Variants in CPNE2 observed in about 807,000 individuals in gnomAD.
CPNE2 encodes copine 2.
CPNE2 carries 42 observed loss-of-function variants against 69.7 expected under a neutral mutation model. That is an observed-to-expected ratio of 0.60 (90% CI 0.47 to 0.78). The LOEUF (loss-of-function observed/expected upper bound fraction) is 0.78. Ranked by LOEUF, CPNE2 falls within the 30% of genes least tolerant of loss-of-function variation. The probability of loss-of-function intolerance (pLI) is 0.00; values close to 1 mark genes in which losing one functional copy is unlikely to be tolerated. For missense variants in CPNE2, 587 were observed against 732.0 expected (o/e 0.80, Z 2.29); for synonymous variants, 294 against 289.8 (o/e 1.01, Z -0.15).
At chr16:57,096,746 G>T (rs1177383061) in intron 1 of CPNE2, among the ~76,000 whole-genome samples, 7 of 151,906 alleles carry the variant, frequency 4.6e-5, no homozygotes, top group African/African-American at 1.4e-4. Context: ...AGGAAAGAGG[G>T]ATTGCAGGAG....
chr16:57,137,379 G>A lies in CPNE2; in HGVS notation c.1302+97G>A, dbSNP rs1442619154. 3 of 1,467,388 alleles carry A rather than the reference G, an allele frequency of 2.0e-6. No individual in the cohort carries two copies. In the African/African-American group the frequency reaches 4.2e-5, roughly 20 times the overall value. The allele number at this position is 1,467,388 out of a possible 1,614,324, so 90.9% of individuals were successfully genotyped here. Reference sequence around the variant, plus strand: ...TGCCTTCTCTTTGCTTTAAATCCTAGTGGACACCTCTGGGCCTTGCTTTAC... The same window carrying A: ...TGCCTTCTCTTTGCTTTAAATCCTAATGGACACCTCTGGGCCTTGCTTTAC... On this transcript the variant is annotated intron_variant, in intron 14 of 15. Coordinates refer to ENST00000290776, the MANE Select transcript of CPNE2 (RefSeq NM_152727.6).
chr16:57,133,889 C>T (rs565335347), intron 12 of CPNE2, among the ~76,000 whole-genome samples: 3 of 150,528 alleles, frequency 2.0e-5, no homozygotes, highest in South Asian at 2.1e-4. Flanking sequence ...GCAGTGAATG[C>T]GGATGTGGTA....
At chr16:57,125,802 T>C in intron 10 of CPNE2, 58 bp from the exon 11 acceptor site, 1 of 1,601,662 alleles carries the variant, frequency 6.2e-7, no homozygotes, top group Admixed American at 1.7e-5. Context: ...TCCCTGGGAG[T>C]GGGATAGGGT....
chr16:57,104,816 T>G (rs2145238674), intron 1 of CPNE2, among the ~76,000 whole-genome samples: 1 of 152,298 alleles, frequency 6.6e-6, no homozygotes, highest in African/African-American at 2.4e-5. Context: ...AGACCTTTCC[T>G]GTGAAGAAAG....
At chr16:57,121,907 C>T in intron 9 of CPNE2, 147 bp downstream of exon 9, 1 of 667,926 alleles carries the variant, frequency 1.5e-6, no homozygotes, top group Non-Finnish European at 2.6e-6. Context: ...CTGAGCTTCA[C>T]CTCACCAGGC....
intron 1 of CPNE2, among the ~76,000 whole-genome samples, chr16:57,104,302 T>G (rs1167988009): frequency 6.6e-6 from 1 of 152,194 alleles, no homozygotes; most frequent in African/African-American, 2.4e-5. Context: ...ACAGAGCAGT[T>G]AAATGGCAGA....
intron 10 of CPNE2, 93 bp downstream of exon 10, chr16:57,123,566 G>A (rs2069778978): frequency 7.2e-7 from 1 of 1,380,410 alleles, no homozygotes; most frequent in Admixed American, 1.7e-5. Flanking sequence ...GAGGGACTTA[G>A]GGTAGACTTC....
At chr16:57,122,891 C>A (rs548189578) in intron 9 of CPNE2, among the ~76,000 whole-genome samples, 169 of 143,588 alleles carry the variant, frequency 1.2e-3, no homozygotes, top group African/African-American at 4.3e-3. Flanking sequence ...CTATACCTGG[C>A]CTGTTTCTTT....
Position 57,127,863 on chromosome 16 carries a change from CA to C in CPNE2, c.1077del (p.Ala360LeufsTer304). On this transcript the variant is annotated frameshift_variant, in exon 12 of 16. Transcript: ENST00000290776. LOFTEE classifies it high-confidence loss of function. ...TCTCTGATTAGTGATAAGATGTTTC[CA>C]GCTCTGGGATTCGGGGCCCAGTTAC... ...IQDYDSDKMF[P>X]ALGFGAQLPP... 6.2e-7 allele frequency: 1 copy of C among 1,613,246 alleles called. No homozygotes were observed. The highest frequency in any genetic ancestry group is 8.5e-7 in the Non-Finnish European group (1 of 1,180,004).
chr16:57,094,874 C>T (rs550357887), intron 1 of CPNE2, among the ~76,000 whole-genome samples: 33 of 152,254 alleles, frequency 2.2e-4, no homozygotes, highest in African/African-American at 7.7e-4. Flanking sequence ...TCTGGCTGGC[C>T]TCACAGGGCT....
chr16:57,097,955 C>G (rs2069588595), intron 1 of CPNE2, among the ~76,000 whole-genome samples: 1 of 152,156 alleles, frequency 6.6e-6, no homozygotes, highest in Non-Finnish European at 1.5e-5. Context: ...GGAGGAGTGG[C>G]AGGAGAGGAC....
intron 12 of CPNE2, among the ~76,000 whole-genome samples, chr16:57,133,326 G>A (rs1353557713): frequency 6.6e-6 from 1 of 152,106 alleles, no homozygotes; most frequent in Non-Finnish European, 1.5e-5. Flanking sequence ...ACGGGGAGGA[G>A]TCCTCCCACC....
At chr16:57,120,728 T>C (rs527425966) in intron 7 of CPNE2, among the ~76,000 whole-genome samples, 2 of 152,140 alleles carry the variant, frequency 1.3e-5, no homozygotes, top group South Asian at 2.1e-4. Context: ...AGACAGCATA[T>C]AAAGCTGTGA....
At chr16:57,125,109 C>G (rs1304178838) in intron 10 of CPNE2, 3 of 335,992 alleles carry the variant, frequency 8.9e-6, no homozygotes, top group Non-Finnish European at 1.8e-5. Flanking sequence ...CTACTTCTAA[C>G]CCTCCCCTGC....
Position 57,147,815 on chromosome 16 carries a change from T to C in CPNE2, c.*157T>C. The C allele has an allele frequency of 4.3e-6, 2 of 465,490 alleles. No individual in the cohort carries two copies. The highest frequency in any genetic ancestry group is 3.7e-6 in the Non-Finnish European group (1 of 267,830). 28.8% of individuals were successfully genotyped at this position (465,490 alleles called of 1,614,324 possible). The stretch of plus-strand genomic sequence containing the variant: ...CACCCCCAACTTCCTCCAGCCCAGC[T>C]GGGCTTCCTTTGTTGGAGTCAACTG... On this transcript the variant is annotated 3_prime_UTR_variant, in exon 16 of 16. Coordinates refer to ENST00000290776, the MANE Select transcript of CPNE2 (RefSeq NM_152727.6).
chr16:57,117,654 C>A, intron 5 of CPNE2, 87 bp downstream of exon 5: 1 of 1,423,482 alleles, frequency 7.0e-7, no homozygotes, highest in Non-Finnish European at 9.8e-7. Context: ...GGACCTCGGG[C>A]CACCACCTCC....
chr16:57,146,575 T>C lies in CPNE2; in HGVS notation c.1539+254T>C. The C allele has an allele frequency of 2.0e-6, 1 of 495,086 alleles. No homozygotes were observed. Among genetic ancestry groups the C allele is most frequent in the Non-Finnish European group, 3.6e-6 (1 of 274,900 alleles). 30.7% of individuals were successfully genotyped at this position (495,086 alleles called of 1,614,324 possible). A position where few individuals can be genotyped will look rare whatever the true frequency, so the allele number is the denominator to read the frequency against. ...GAGCCGTGGGCATCTAGCCTGAGGC[T>C]CTGGGGCAGGGCTTCCTGGAGGACC... On this transcript the variant is annotated intron_variant, in intron 15 of 15. Coordinates refer to ENST00000290776, the MANE Select transcript of CPNE2 (RefSeq NM_152727.6). The surrounding 1 kb of genome is among the most constrained non-coding windows in gnomAD (Gnocchi z 4.4).
chr16:57,096,196 C>G (rs1388934419), intron 1 of CPNE2, among the ~76,000 whole-genome samples: 2 of 152,228 alleles, frequency 1.3e-5, no homozygotes, highest in Non-Finnish European at 2.9e-5. Context: ...GCTTACCATA[C>G]TGAGTGCTGG....
intron 1 of CPNE2, among the ~76,000 whole-genome samples, chr16:57,107,975 A>G (rs1482541488): frequency 1.3e-5 from 2 of 150,744 alleles, no homozygotes; most frequent in Non-Finnish European, 2.9e-5. Context: ...GGTTCAAGCA[A>G]TTCTCCTGCC....
Sources: allele counts gnomAD v4.1 joint callset (sites outside exome capture counted in the v4.1 genomes callset), GRCh38; gene constraint gnomAD v4.1.1; non-coding constraint Gnocchi (gnomAD v3.1); transcripts MANE v1.5; gene names NCBI Gene and HGNC (gene_info 2026-07-23, HGNC 2026-07-21).